AVIL: variants seen among roughly 807,000 people sequenced by gnomAD.
The protein encoded by AVIL is advillin.
A neutral mutation model predicts 109.9 loss-of-function variants in AVIL; 78 were observed. The ratio of observed to expected loss-of-function variants is 0.71; its 90% CI spans 0.59 to 0.86. The LOEUF is 0.86. Among genes scored for constraint, AVIL ranks in the 40% least tolerant of loss-of-function variants. The pLI is 0.00. For missense variants in AVIL, 892 were observed against 1,016.5 expected, an observed-to-expected ratio of 0.88 and a Z score of 1.67; for synonymous variants, 367 against 379.1, an observed-to-expected ratio of 0.97 and a Z score of 0.37.
At chr12:57,814,873 G>T (rs986771643) in intron 2 of AVIL, 1 of 152,482 alleles carries the variant, frequency 6.6e-6, no homozygotes, top group Non-Finnish European at 1.5e-5. Context: ...GGCCATACTT[G>T]TGTGTGTTCT....
chr12:57,802,047 G>A (rs1955859017), intron 17 of AVIL, 113 bp downstream of exon 17: 3 of 1,241,082 alleles, frequency 2.4e-6, no homozygotes, highest in Non-Finnish European at 3.4e-6. Flanking sequence ...TGGGAGTAGG[G>A]AAATGAGGTC....
intron 11 of AVIL, 161 bp from the exon 12 acceptor site, chr12:57,807,888 T>C (rs1327592480): frequency 9.3e-7 from 1 of 1,077,148 alleles, no homozygotes; most frequent in African/African-American, 1.6e-5. Context: ...CACATTTGCA[T>C]GATTTGAATC....
chr12:57,813,853 C>T (rs1956068939), intron 3 of AVIL, among the ~76,000 whole-genome samples: 1 of 152,212 alleles, frequency 6.6e-6, no homozygotes, highest in South Asian at 2.1e-4. Context: ...TTGCATTTAT[C>T]AGGCCTTCTT....
chr12:57,803,177 G>GA, intron 16 of AVIL, 70 bp downstream of exon 16: 1 of 1,583,946 alleles, frequency 6.3e-7, no homozygotes, highest in Non-Finnish European at 8.6e-7. Context: ...CTAGGGTGGG[G>GA]ATACTACACA....
intron 18 of AVIL, 108 bp from the exon 19 acceptor site, chr12:57,800,028 C>G: frequency 2.2e-6 from 3 of 1,393,728 alleles, no homozygotes; most frequent in Non-Finnish European, 2.9e-6. Flanking sequence ...CCACTTCACC[C>G]TCTGTAATCA....
intron 19 of AVIL, among the ~76,000 whole-genome samples, chr12:57,798,977 C>T (rs2140433648): frequency 6.6e-6 from 1 of 152,274 alleles, no homozygotes; most frequent in Middle Eastern, 3.4e-3. Context: ...AGAATACTTG[C>T]TATCTGCTAG....
In AVIL at chr12:57,813,224, C is replaced by T; in HGVS notation, c.338+3G>A. 6.2e-7 allele frequency: 1 copy of T among 1,610,244 alleles called. No individual in the cohort carries two copies. The highest frequency in any genetic ancestry group is 1.1e-5 in the South Asian group (1 of 90,976). On this transcript the variant is annotated splice_donor_region_variant and intron_variant, in intron 4 of 19. Coordinates refer to ENST00000549994, the MANE Select transcript of AVIL (RefSeq NM_006576.4). ...TGTCCTTGCTCTGTGCACCCCTACT[C>T]ACATGATGCCCTGCTTGAAGTAGCC...
intron 2 of AVIL, among the ~76,000 whole-genome samples, chr12:57,815,234 G>A (rs1390142725): frequency 1.3e-5 from 2 of 152,252 alleles, no homozygotes; most frequent in African/African-American, 2.4e-5. Flanking sequence ...TTACAGGCGT[G>A]AGCCACCGCA....
chr12:57,809,717 A>G (rs1207731143), intron 8 of AVIL, 22 bp from the exon 9 acceptor site: 1 of 1,613,730 alleles, frequency 6.2e-7, no homozygotes, highest in Non-Finnish European at 8.5e-7. Flanking sequence ...AGAGATAGGT[A>G]TGGTTGCTCA....
intron 3 of AVIL, 57 bp from the exon 4 acceptor site, chr12:57,813,480 G>T: frequency 6.5e-7 from 1 of 1,539,188 alleles, no homozygotes; most frequent in Non-Finnish European, 8.9e-7. Flanking sequence ...CTTTGCTGCT[G>T]GCCCCTGTTA....
chr12:57,809,265 G>A (rs1956001077), intron 9 of AVIL: 2 of 288,718 alleles, frequency 6.9e-6, no homozygotes, highest in South Asian at 7.9e-5. Flanking sequence ...CTCCCAAAGT[G>A]CTGGGATTAC....
At chr12:57,806,922 T>G (rs1426624818) in intron 13 of AVIL, among the ~76,000 whole-genome samples, 1 of 152,204 alleles carries the variant, frequency 6.6e-6, no homozygotes, top group Non-Finnish European at 1.5e-5. Context: ...CATTACGCAT[T>G]GCTTGGTAGT....
intron 17 of AVIL, among the ~76,000 whole-genome samples, chr12:57,801,928 T>A (rs1482154539): frequency 6.6e-6 from 1 of 152,246 alleles, no homozygotes; most frequent in East Asian, 1.9e-4. Flanking sequence ...CTTTATAAAC[T>A]GTTTATACTT....
intron 9 of AVIL, 166 bp from the exon 10 acceptor site, chr12:57,808,714 A>T: frequency 1.9e-6 from 1 of 530,474 alleles, no homozygotes. Context: ...GTACCTGCCT[A>T]AAAAAAAAAT....
At chr12:57,815,790 C>A in intron 2 of AVIL, 185 bp downstream of exon 2, 1 of 1,475,528 alleles carries the variant, frequency 6.8e-7, no homozygotes, top group Non-Finnish European at 9.0e-7. Context: ...CCTCCACCTG[C>A]CAACCACCTG....
In AVIL at chr12:57,813,403, G is replaced by A; in HGVS notation, c.162C>T (p.Leu54=). The change falls in exon 4 of 20, where the codon CTC becomes CTT. Residue 54 remains leucine (L), a synonymous_variant. Coordinates refer to ENST00000549994, the MANE Select transcript of AVIL (RefSeq NM_006576.4). The part of the protein sequence containing the change: ...VILSTRRVAS[L]LSQDIHFWIG... The stretch of plus-strand genomic sequence containing the variant: ...TCCAGAAGTGGATGTCCTGGGATAG[G>A]AGACTGGCCACTCTCCGGGTCTGGG... 6.2e-7 allele frequency: 1 copy of A among 1,614,020 alleles called. No individual in the cohort carries two copies. Among genetic ancestry groups the A allele is most frequent in the Non-Finnish European group, 8.5e-7 (1 of 1,179,988 alleles).
In AVIL at chr12:57,807,437, TCCA is replaced by T; in HGVS notation, c.1382_1384del (p.Val461del). 6.2e-7 allele frequency: 1 copy of T among 1,614,206 alleles called. No individual in the cohort carries two copies. The highest frequency in any genetic ancestry group is 8.5e-7 in the Non-Finnish European group (1 of 1,180,038). On this transcript the variant is annotated inframe_deletion, in exon 13 of 20. Transcript: ENST00000549994. ...AGCCCCATCAAACTGCCGATCCACC[TCCA>T]CTGCCTGGTATGCTGAGGCTGCCAG... is the stretch of plus-strand genomic sequence containing the variant.
chr12:57,818,182 C>CTTTTTTTTTTTTTTTTTTTTTTTTTTTTT (rs66731427), intron 1 of AVIL, among the ~76,000 whole-genome samples: 1 of 35,256 alleles, frequency 2.8e-5, no homozygotes. Context: ...CCATGCTTGG[C>CTTTTTTTTTTTTTTTTTTTTTTTTTTTTT]TTTTTTTTTT....
At chr12:57,801,752 A>G (rs904166443) in intron 17 of AVIL, among the ~76,000 whole-genome samples, 1 of 152,176 alleles carries the variant, frequency 6.6e-6, no homozygotes, top group African/African-American at 2.4e-5. Context: ...AAAAAAGAAA[A>G]AAAAAAGTTG....
Sources: allele counts gnomAD v4.1 joint callset (sites outside exome capture counted in the v4.1 genomes callset), GRCh38; gene constraint gnomAD v4.1.1; transcripts MANE v1.5; gene names NCBI Gene and HGNC (gene_info 2026-07-23, HGNC 2026-07-21).